Variants in WDR89 observed in about 807,000 individuals in gnomAD.
WDR89 encodes the protein WD repeat-containing protein 89.
A neutral mutation model predicts 29.1 loss-of-function variants in WDR89; 17 were observed. The observed-to-expected ratio is 0.58, with a 90% CI of 0.40 to 0.88. The LOEUF is 0.88. Among genes scored for constraint, WDR89 ranks in the 40% least tolerant of loss-of-function variants. WDR89 has a pLI of 0.00. For missense variants in WDR89, 396 were observed against 456.3 expected, an observed-to-expected ratio of 0.87 and a Z score of 1.20; for synonymous variants, 138 against 157.8, an observed-to-expected ratio of 0.87 and a Z score of 0.94.
At chr14:63,638,313 G>A (rs1883880651) in intron 1 of WDR89, among the ~76,000 whole-genome samples, 1 of 152,164 alleles carries the variant, frequency 6.6e-6, no homozygotes, top group African/African-American at 2.4e-5. Flanking sequence ...TACATTAGCT[G>A]GGCACTGGGT....
intron 2 of WDR89, among the ~76,000 whole-genome samples, chr14:63,616,654 G>C (rs935680944): frequency 6.6e-6 from 1 of 152,184 alleles, no homozygotes; most frequent in Non-Finnish European, 1.5e-5. Flanking sequence ...TAAAGTCAGA[G>C]AAAGAAAGAA....
At chr14:63,619,563 C>T (rs1353461554) in intron 2 of WDR89, among the ~76,000 whole-genome samples, 2 of 152,128 alleles carry the variant, frequency 1.3e-5, no homozygotes, top group African/African-American at 4.8e-5. Flanking sequence ...CTTCACTTGA[C>T]AAGGCTTAAA....
chr14:63,601,407 G>T (rs747350227), intron 2 of WDR89: 108 of 716,158 alleles, frequency 1.5e-4, no homozygotes, highest in Non-Finnish European at 2.0e-4. Context: ...AGGGTGGGCT[G>T]TATGTAGGAC....
intron 2 of WDR89, among the ~76,000 whole-genome samples, chr14:63,619,786 C>T (rs754701001): frequency 3.3e-5 from 5 of 152,058 alleles, no homozygotes; most frequent in Non-Finnish European, 5.9e-5. Flanking sequence ...AGGAGGATCA[C>T]TTGAGGTCAG....
At chr14:63,611,123 G>C (rs192489097) in intron 2 of WDR89, among the ~76,000 whole-genome samples, 66 of 152,042 alleles carry the variant, frequency 4.3e-4, no homozygotes, top group African/African-American at 1.3e-3. Context: ...CAGATCTTGA[G>C]GCCAAGAGTT....
chr14:63,634,021 C>T (rs557104049), intron 1 of WDR89, among the ~76,000 whole-genome samples: 1 of 152,196 alleles, frequency 6.6e-6, no homozygotes, highest in East Asian at 1.9e-4. Context: ...ATTAAAATTA[C>T]GAGAACTGTA....
intron 2 of WDR89, among the ~76,000 whole-genome samples, chr14:63,621,011 T>C (rs1018822016): frequency 6.6e-6 from 1 of 151,964 alleles, no homozygotes; most frequent in African/African-American, 2.4e-5. Context: ...CTTGATCTAG[T>C]CATTCCGCAA....
chr14:63,633,285 A>C (rs1883524470), intron 1 of WDR89, among the ~76,000 whole-genome samples: 2 of 152,030 alleles, frequency 1.3e-5, no homozygotes, highest in South Asian at 4.1e-4. Flanking sequence ...GATGCTTCTA[A>C]GGTGAATTCA....
intron 2 of WDR89, among the ~76,000 whole-genome samples, chr14:63,608,627 A>C (rs1881747852): frequency 6.6e-6 from 1 of 151,932 alleles, no homozygotes; most frequent in Non-Finnish European, 1.5e-5. Flanking sequence ...TAAATACTGC[A>C]GTGAAGTATC....
In WDR89 at chr14:63,599,506, C is replaced by A. The variant is rs1390908091; in HGVS notation, c.437G>T (p.Trp146Leu). ...ATTCTGAGAATTCATCCTTGCATCC[C>A]AAAACACCAACAATGCATCATCATC... ...KVDDDALLVFWDARMNSQNLS... is the reference protein window; with the variant it reads ...KVDDDALLVFLDARMNSQNLS... Residue 146 changes from tryptophan to leucine, a missense_variant, in exon 3 of 3, where the codon TGG becomes TTG. Physicochemically the swap from Trp to Leu is moderately conservative, Grantham distance 61. Coordinates refer to ENST00000620954, the MANE Select transcript of WDR89 (RefSeq NM_080666.4). 1 of 1,614,076 alleles carries A rather than the reference C, an allele frequency of 6.2e-7. No homozygotes were observed. The highest frequency in any genetic ancestry group is 1.7e-5 in the Admixed American group (1 of 59,986).
At chr14:63,602,462 C>CA (rs58161137) in intron 2 of WDR89, among the ~76,000 whole-genome samples, 1,825 of 35,042 alleles carry the variant, frequency 0.052, 80 homozygotes, top group Non-Finnish European at 0.075. Context: ...GATTCCTACT[C>CA]AAAAAAAAAA....
At chr14:63,631,186 T>C (rs1193838881) in intron 1 of WDR89, among the ~76,000 whole-genome samples, 1 of 152,172 alleles carries the variant, frequency 6.6e-6, no homozygotes, top group African/African-American at 2.4e-5. Context: ...GAAGTATACG[T>C]ATATCAAAAC....
intron 1 of WDR89, among the ~76,000 whole-genome samples, chr14:63,631,452 A>G (rs1374610168): frequency 2.6e-5 from 4 of 152,034 alleles, no homozygotes; most frequent in Non-Finnish European, 4.4e-5. Context: ...TGCAGGCTCA[A>G]TCTCCCAGGC....
At position 63,598,797 on chromosome 14, in the gene WDR89, T is replaced by C. The variant is rs2139822590; in HGVS notation, c.1146A>G (p.Lys382=). 7 of 1,585,662 alleles carry C rather than the reference T, an allele frequency of 4.4e-6. No individual in the cohort carries two copies. Among genetic ancestry groups the C allele is most frequent in the Non-Finnish European group, 6.0e-6 (7 of 1,166,798 alleles). The change falls in exon 3 of 3, where the codon AAA becomes AAG. Residue 382 remains lysine (K), a synonymous_variant. Transcript: ENST00000620954. ...TGCATTATCACTGCTTTTTCCTTCT[T>C]TTATAAGAATCATTACTATGAACTC... ...RVRVHSNDSY[K]RRKKQ
At chr14:63,610,177 AC>A (rs1241070160) in intron 2 of WDR89, among the ~76,000 whole-genome samples, 1 of 142,292 alleles carries the variant, frequency 7.0e-6, no homozygotes, top group African/African-American at 2.7e-5. Context: ...CCAAAGTCGC[AC>A]CACTGCACTC....
At chr14:63,605,970 G>T (rs1895302550) in intron 2 of WDR89, among the ~76,000 whole-genome samples, 1 of 151,776 alleles carries the variant, frequency 6.6e-6, no homozygotes, top group Non-Finnish European at 1.5e-5. Context: ...GATCCTGACC[G>T]TGTGTGGGCC....
At chr14:63,600,167 AC>A (rs1894994649) in intron 2 of WDR89, among the ~76,000 whole-genome samples, 194 bp from the exon 3 acceptor site, 1 of 152,062 alleles carries the variant, frequency 6.6e-6, no homozygotes, top group Admixed American at 6.6e-5. Context: ...TGTAACTAAA[AC>A]TCAGTTGCCT....
chr14:63,602,523 A>G (rs1310379808), intron 2 of WDR89, among the ~76,000 whole-genome samples: 1 of 150,902 alleles, frequency 6.6e-6, no homozygotes, highest in Admixed American at 6.6e-5. Flanking sequence ...CTGTAATCCC[A>G]GCACTTTGGG....
intron 1 of WDR89, among the ~76,000 whole-genome samples, chr14:63,627,866 C>T (rs780844330): frequency 1.3e-5 from 2 of 151,878 alleles, no homozygotes; most frequent in Non-Finnish European, 2.9e-5. Context: ...GTAGGAGGAT[C>T]GCTTGAGCCC....
Sources: allele counts gnomAD v4.1 joint callset (sites outside exome capture counted in the v4.1 genomes callset), GRCh38; gene constraint gnomAD v4.1.1; transcripts MANE v1.5; gene names NCBI Gene and HGNC (gene_info 2026-07-23, HGNC 2026-07-21).